The following SETD9 variants were observed in gnomAD, a reference collection of about 807,000 sequenced individuals.
SETD9 encodes the protein SET domain containing 9, also known as SET domain-containing protein 9.
SETD9 carries 37 observed loss-of-function variants against 36.4 expected under a neutral mutation model. The observed-to-expected ratio is 1.02, with a 90% CI of 0.78 to 1.34. SETD9 has a LOEUF of 1.34. Ranked by LOEUF, SETD9 falls within the 40% of genes most tolerant of loss-of-function variation. The pLI is 0.00. For missense variants in SETD9, 323 were observed against 353.2 expected (o/e 0.91, Z 0.69); for synonymous variants, 128 against 132.9 (o/e 0.96, Z 0.26).
At chr5:56,910,043 G>C (rs1360280026) in intron 1 of SETD9, 1 of 1,319,838 alleles carries the variant, frequency 7.6e-7, no homozygotes, top group Non-Finnish European at 9.7e-7. Context: ...CCCAGTGTCC[G>C]CTGCGCTGCC....
At chr5:56,911,596 T>C in intron 2 of SETD9, 60 bp downstream of exon 2, 1 of 1,458,780 alleles carries the variant, frequency 6.9e-7, no homozygotes, top group Non-Finnish European at 9.0e-7. Flanking sequence ...AAACATAAGT[T>C]CAGTAACATA....
At chr5:56,923,737 A>G (rs1251522444) in intron 5 of SETD9, 1 of 1,614,100 alleles carries the variant, frequency 6.2e-7, no homozygotes, top group Admixed American at 1.7e-5. Flanking sequence ...TTAGCTGTTG[A>G]TCAGGAATAG....
chr5:56,914,860 G>A lies in SETD9; in HGVS notation c.707-1G>A. ...TCTAAAAATGATGTGCTTGTTCCTA[G>A]ACAGAGCAGCTAATGTCTGTTATCA... is the stretch of plus-strand genomic sequence containing the variant. On this transcript the variant is annotated splice_acceptor_variant, in intron 4 of 5. Transcript: ENST00000285947. LOFTEE classifies it high-confidence loss of function. 2.5e-6 allele frequency: 4 copies of A among 1,593,380 alleles called. No homozygotes were observed. The highest frequency in any genetic ancestry group is 3.4e-6 in the Non-Finnish European group (4 of 1,166,302).
At chr5:56,920,108 A>G (rs1299368274), downstream of SETD9, 1 of 152,610 alleles carries the variant, frequency 6.6e-6, no homozygotes, top group Admixed American at 6.5e-5. Flanking sequence ...ATGTTCTCAA[A>G]TATTTATGAG....
At chr5:56,918,209 C>A (rs928856875), downstream of SETD9, among the ~76,000 whole-genome samples, 3 of 152,156 alleles carry the variant, frequency 2.0e-5, no homozygotes, top group African/African-American at 7.2e-5. Context: ...CCATCCCAAC[C>A]CACACCTGCC....
upstream of SETD9, chr5:56,909,593 G>A (rs1190313885): frequency 2.5e-5 from 36 of 1,466,656 alleles, no homozygotes; most frequent in Admixed American, 4.3e-5. Context: ...GCGGGCCCGA[G>A]GCCTCGATCC....
rs1196202955 is a variant in SETD9 at position 56,913,036 on chromosome 5, G to C, written c.492G>C (p.Pro164=). ...GTACAGTATATCAGAAGTATGAGCCGATCTTTTTCCAGTCCATTGGAAATC... is the reference window on the plus strand; with the variant it reads ...GTACAGTATATCAGAAGTATGAGCCCATCTTTTTCCAGTCCATTGGAAATC... ...YPGTVYQKYE[P]IFFQSIGNPF... Residue 164 remains proline, a synonymous_variant, in exon 3 of 6, where the codon CCG becomes CCC. Transcript: ENST00000285947. 2 of 1,613,702 alleles carry C rather than the reference G, an allele frequency of 1.2e-6. No homozygotes were observed. The highest frequency in any genetic ancestry group is 8.5e-7 in the Non-Finnish European group (1 of 1,179,850).
intron 5 of SETD9, among the ~76,000 whole-genome samples, chr5:56,916,041 G>A (rs1170600017): frequency 6.6e-6 from 1 of 152,064 alleles, no homozygotes; most frequent in Non-Finnish European, 1.5e-5. Flanking sequence ...TTAACTATTA[G>A]CTTTTCTTAG....
At position 56,916,931 on chromosome 5, in the gene SETD9, C is replaced by G; in HGVS notation, c.*29C>G. On this transcript the variant is annotated 3_prime_UTR_variant, in exon 6 of 6. Transcript: ENST00000285947. ...TGTGAATCAGAAATTATTAGGTTTT[C>G]TACTCAGCTATTAATTCTAAGTGTT... 6.4e-7 allele frequency: 1 copy of G among 1,574,176 alleles called. No homozygotes were observed. Among genetic ancestry groups the G allele is most frequent in the East Asian group, 2.3e-5 (1 of 43,252 alleles).
chr5:56,910,374 G>T (rs906463023), intron 1 of SETD9: 1 of 1,304,224 alleles, frequency 7.7e-7, no homozygotes, highest in Admixed American at 2.3e-5. Flanking sequence ...AGCACGTCGG[G>T]ATGGTGGGTT....
chr5:56,912,964 T>C (rs774045041), intron 2 of SETD9, 47 bp from the exon 3 acceptor site: 1 of 1,589,726 alleles, frequency 6.3e-7, no homozygotes, highest in Non-Finnish European at 8.6e-7. Flanking sequence ...GCAGTGTTTA[T>C]GATTTTTCAT....
chr5:56,918,866 A>T (rs1021784900), downstream of SETD9, among the ~76,000 whole-genome samples: 1 of 152,224 alleles, frequency 6.6e-6, no homozygotes, highest in Non-Finnish European at 1.5e-5. Context: ...ATATGGGGAC[A>T]AACTTGTGAA....
chr5:56,923,553 G>T lies in SETD9; in HGVS notation c.813-1780G>T, dbSNP rs549637744. The T allele has an allele frequency of 3.1e-6, 5 of 1,613,958 alleles. No homozygotes were observed. In the African/African-American group the frequency reaches 6.7e-5, roughly 22 times the overall value. On this transcript the variant is annotated intron_variant, in intron 5 of 5. Transcript: ENST00000628593. ...TCATCCAAACAATTCACATCTGTGGGGTCGCAGACGGTTGCTACACTGTTG... is the reference window on the plus strand; with the variant it reads ...TCATCCAAACAATTCACATCTGTGGTGTCGCAGACGGTTGCTACACTGTTG...
At chr5:56,925,419 G>T in exon 6 of SETD9, 1 of 432,714 alleles carries the variant, frequency 2.3e-6, no homozygotes, top group Non-Finnish European at 4.6e-6. Context: ...AGTTTCAGGA[G>T]ACAAGGTTAA....
In SETD9 at chr5:56,912,157, A is replaced by T. The variant is rs1409752586; in HGVS notation, c.466+621A>T. ...GTGACAGTGCTAGGCTCCATCTCAA[A>T]AAAAAGAAAAAAAAAAAGCGTACGG... On this transcript the variant is annotated intron_variant, in intron 2 of 5. Coordinates refer to ENST00000285947, the MANE Select transcript of SETD9 (RefSeq NM_153706.4). 3.0e-6 allele frequency: 3 copies of T among 984,818 alleles called. No homozygotes were observed. The African/African-American group carries it at 5.3e-5, about 17-fold the overall frequency. The allele number at this position is 984,818 out of a possible 1,614,324, so 61.0% of individuals were successfully genotyped here.
chr5:56,928,531 A>G, downstream of SETD9: 1 of 315,302 alleles, frequency 3.2e-6, no homozygotes. Context: ...TAAAAAATAC[A>G]GTGAGTCCAC....
rs1157488535 is a variant in SETD9 at position 56,913,992 on chromosome 5, A to G, written c.706+3A>G. On this transcript the variant is annotated splice_donor_region_variant and intron_variant, in intron 4 of 5. Transcript: ENST00000285947. ...GTATGTCAACAATTGTTCCAATGGT[A>G]AGAAGGCATCATGGGGCTGTGAGAT... 6.3e-7 allele frequency: 1 copy of G among 1,596,258 alleles called. No homozygotes were observed. The highest frequency in any genetic ancestry group is 1.3e-5 in the African/African-American group (1 of 74,552).
At chr5:56,919,844 A>G (rs1174844074), downstream of SETD9, 1 of 152,640 alleles carries the variant, frequency 6.6e-6, no homozygotes, top group African/African-American at 2.4e-5. Context: ...AGGAATATTA[A>G]TATCTACCAT....
At chr5:56,911,578 G>C (rs567439088) in intron 2 of SETD9, 42 bp downstream of exon 2, 2 of 1,479,686 alleles carry the variant, frequency 1.4e-6, no homozygotes, top group Admixed American at 5.0e-5. Context: ...AGCTTCTTAC[G>C]TATTGATAAA....
Sources: allele counts gnomAD v4.1 joint callset (sites outside exome capture counted in the v4.1 genomes callset), GRCh38; gene constraint gnomAD v4.1.1; transcripts MANE v1.5; gene names NCBI Gene and HGNC (gene_info 2026-07-23, HGNC 2026-07-21).